The following SV2C variants were observed in gnomAD, a reference collection of about 807,000 sequenced individuals.
SV2C encodes solute carrier family 22 member B3.
SV2C carries 49 observed loss-of-function variants against 79.7 expected under a neutral mutation model. The ratio of observed to expected loss-of-function variants is 0.61; its 90% CI spans 0.49 to 0.78. The LOEUF is 0.78. SV2C is among the 30% of genes least tolerant of loss of function. The pLI, the probability that SV2C is intolerant of heterozygous loss-of-function variation, is 0.00. For synonymous variants in SV2C, 334 were observed against 333.2 expected (o/e 1.00, Z -0.03); for missense variants, 833 against 912.9 (o/e 0.91, Z 1.13).
chr5:76,347,919 A>C (rs1749573274), intron 12 of SV2C, among the ~76,000 whole-genome samples: 1 of 152,062 alleles, frequency 6.6e-6, no homozygotes, highest in Non-Finnish European at 1.5e-5. Context: ...ACTTTGACAC[A>C]TCATTTTCAC....
At chr5:75,977,958 C>T in the SV2C span, among the ~76,000 whole-genome samples, 6 of 152,198 alleles carry the variant, frequency 3.9e-5, no homozygotes, top group Non-Finnish European at 8.8e-5. Context: ...TCATCACTCT[C>T]CAGCTACTGC....
At chr5:76,082,190 G>A (rs964105959), upstream of SV2C, 1 of 152,292 alleles carries the variant, frequency 6.6e-6, no homozygotes, top group African/African-American at 2.4e-5. Context: ...TGAGCGCGCG[G>A]AGCCGGAGGA....
chr5:76,174,180 G>A (rs200895911), intron 2 of SV2C: 35 of 1,612,254 alleles, frequency 2.2e-5, no homozygotes, highest in African/African-American at 5.3e-5. Flanking sequence ...TTATACTCAC[G>A]CATGATGCAA....
the SV2C span, among the ~76,000 whole-genome samples, chr5:76,034,695 T>C: frequency 1.3e-5 from 2 of 152,236 alleles, no homozygotes; most frequent in Non-Finnish European, 2.9e-5. Flanking sequence ...ATCAAAGATA[T>C]TGGTCTAAAA....
At chr5:76,339,886 G>A (rs113114959) in intron 12 of SV2C, among the ~76,000 whole-genome samples, 6,278 of 152,218 alleles carry the variant, frequency 0.041, 398 homozygotes, top group African/African-American at 0.13. Flanking sequence ...ATGAGGCTGA[G>A]ACCTATTGGG....
chr5:75,906,226 C>A, the SV2C span, among the ~76,000 whole-genome samples: 2 of 152,138 alleles, frequency 1.3e-5, no homozygotes, highest in Non-Finnish European at 2.9e-5. Context: ...TGATTTCAGA[C>A]TTCTGGCCTC....
intron 2 of SV2C, among the ~76,000 whole-genome samples, chr5:76,161,165 A>G (rs1397919659): frequency 1.3e-5 from 2 of 152,216 alleles, no homozygotes; most frequent in Non-Finnish European, 2.9e-5. Flanking sequence ...ATATGTACAC[A>G]GTGGGATATT....
At chr5:75,974,553 T>A in the SV2C span, among the ~76,000 whole-genome samples, 1 of 152,056 alleles carries the variant, frequency 6.6e-6, no homozygotes, top group African/African-American at 2.4e-5. Context: ...CTCTCTCCAC[T>A]CTGTTTGGAA....
At chr5:76,253,043 G>A (rs950132704) in intron 4 of SV2C, among the ~76,000 whole-genome samples, 3 of 152,070 alleles carry the variant, frequency 2.0e-5, no homozygotes, top group Non-Finnish European at 2.9e-5. Context: ...TGGCTCAATC[G>A]ATAGAGTTTT....
chr5:76,281,418 G>A (rs944218185), intron 4 of SV2C, among the ~76,000 whole-genome samples: 1 of 151,770 alleles, frequency 6.6e-6, no homozygotes, highest in Non-Finnish European at 1.5e-5. Flanking sequence ...AAAAAGGCAG[G>A]GAGCCTGAAG....
the SV2C span, among the ~76,000 whole-genome samples, chr5:76,031,648 T>G: frequency 6.6e-6 from 1 of 152,200 alleles, no homozygotes; most frequent in South Asian, 2.1e-4. Flanking sequence ...CATAAAAGAC[T>G]GCCTGAGACC....
chr5:76,050,684 A>C, the SV2C span, among the ~76,000 whole-genome samples: 1 of 152,158 alleles, frequency 6.6e-6, no homozygotes, highest in African/African-American at 2.4e-5. Flanking sequence ...TTAAAGCTCT[A>C]GTATTAAACC....
the SV2C span, among the ~76,000 whole-genome samples, chr5:75,979,664 G>A: frequency 6.6e-6 from 1 of 151,896 alleles, no homozygotes; most frequent in Non-Finnish European, 1.5e-5. Flanking sequence ...AAATCAAGAA[G>A]TTCTTTGAAA....
intron 4 of SV2C, among the ~76,000 whole-genome samples, chr5:76,267,631 G>T (rs1295821793): frequency 2.6e-5 from 4 of 152,250 alleles, no homozygotes; most frequent in African/African-American, 7.2e-5. Context: ...CATGCTGGGA[G>T]AGTGGTTGTC....
chr5:76,069,650 A>G, the SV2C span, among the ~76,000 whole-genome samples: 1 of 152,172 alleles, frequency 6.6e-6, no homozygotes, highest in African/African-American at 2.4e-5. Context: ...GAATCATTCT[A>G]AAGGCAGAGC....
intron 4 of SV2C, among the ~76,000 whole-genome samples, chr5:76,263,645 G>A (rs1488376068): frequency 6.6e-6 from 1 of 152,100 alleles, no homozygotes; most frequent in Non-Finnish European, 1.5e-5. Flanking sequence ...AGGAGTTCTT[G>A]TAAGGCAGGC....
At chr5:76,079,036 C>T (rs1166375800), upstream of SV2C, 3 of 415,262 alleles carry the variant, frequency 7.2e-6, no homozygotes, top group Non-Finnish European at 1.4e-5. Context: ...CATCAACAGA[C>T]ATTGGTCCAC....
chr5:76,242,888 G>T (rs946293491), intron 4 of SV2C, among the ~76,000 whole-genome samples: 1 of 151,342 alleles, frequency 6.6e-6, no homozygotes, highest in African/African-American at 2.4e-5. Context: ...TAAAAAATTA[G>T]TAGTAGTCCC....
chr5:76,110,589 A>G (rs1242146705), intron 1 of SV2C, among the ~76,000 whole-genome samples: 1 of 152,220 alleles, frequency 6.6e-6, no homozygotes, highest in African/African-American at 2.4e-5. Context: ...GAATTGAAGT[A>G]ATTGTGCTGA....
Sources: allele counts gnomAD v4.1 joint callset (sites outside exome capture counted in the v4.1 genomes callset), GRCh38; gene constraint gnomAD v4.1.1; transcripts MANE v1.5; gene names NCBI Gene and HGNC (gene_info 2026-07-23, HGNC 2026-07-21).